The following SUMF1 variants were observed in gnomAD, a reference collection of about 807,000 sequenced individuals.
SUMF1 encodes the protein formylglycine-generating enzyme.
SUMF1 carries 48 observed loss-of-function variants against 47.6 expected under a neutral mutation model. The observed-to-expected ratio is 1.01, with a 90% CI of 0.80 to 1.28. SUMF1 has a LOEUF of 1.28. Among genes scored for constraint, SUMF1 ranks in the 50% most tolerant of loss-of-function variants. SUMF1 has a pLI of 0.00. For missense variants in SUMF1, 571 were observed against 485.4 expected, an observed-to-expected ratio of 1.18 and a Z score of -1.66; for synonymous variants, 230 against 192.1, an observed-to-expected ratio of 1.20 and a Z score of -1.63.
chr3:4,406,866 C>T (rs187545821), intron 7 of SUMF1, among the ~76,000 whole-genome samples: 2 of 152,220 alleles, frequency 1.3e-5, no homozygotes, highest in East Asian at 3.9e-4. Flanking sequence ...TATATAACCT[C>T]TACATATTTC....
intron 8 of SUMF1, among the ~76,000 whole-genome samples, chr3:4,175,779 TA>T (rs1282468082): frequency 6.6e-6 from 1 of 152,082 alleles, no homozygotes; most frequent in African/African-American, 2.4e-5. Context: ...ACAAGGAAGC[TA>T]AAAGCCTTGA....
intron 8 of SUMF1, among the ~76,000 whole-genome samples, chr3:4,333,049 T>A (rs1468810484): frequency 6.6e-6 from 1 of 152,124 alleles, no homozygotes; most frequent in Non-Finnish European, 1.5e-5. Flanking sequence ...CAGCTCCCCA[T>A]CCATCCTGCT....
Position 4,462,090 on chromosome 3 carries a change from C to T in SUMF1, c.270+4886G>A, listed in dbSNP as rs1043012644. Among the ~76,000 whole-genome samples the T allele has an allele frequency of 2.6e-5, 4 of 152,306 alleles. No individual in the cohort carries two copies. In the East Asian group the frequency reaches 7.7e-4, roughly 29 times the overall value. On this transcript the variant is annotated intron_variant, in intron 1 of 8. Transcript: ENST00000272902. ...AGTGGGCACTGCTATTTTGGTCCAT[C>T]CGGCACCCAATCCCTCTACTTCTTG...
At chr3:4,169,033 C>T (rs967667840) in intron 8 of SUMF1, among the ~76,000 whole-genome samples, 1 of 152,070 alleles carries the variant, frequency 6.6e-6, no homozygotes, top group African/African-American at 2.4e-5. Context: ...TTTTCTCTCT[C>T]GGGAAAAAGT....
intron 8 of SUMF1, among the ~76,000 whole-genome samples, chr3:4,289,523 G>A (rs1170961442): frequency 2.0e-5 from 3 of 152,100 alleles, no homozygotes; most frequent in African/African-American, 7.2e-5. Flanking sequence ...GAAGCTCTAT[G>A]AGTCAGAGCT....
intron 8 of SUMF1, among the ~76,000 whole-genome samples, chr3:4,108,471 A>G (rs564178210): frequency 6.6e-6 from 1 of 151,930 alleles, no homozygotes; most frequent in Non-Finnish European, 1.5e-5. Context: ...CAATTCCTGG[A>G]TATCCTTGTT....
At chr3:4,380,422 G>A (rs1700467123) in intron 7 of SUMF1, among the ~76,000 whole-genome samples, 1 of 152,102 alleles carries the variant, frequency 6.6e-6, no homozygotes, top group African/African-American at 2.4e-5. Context: ...GACCTATTTG[G>A]GCAAGGTGGA....
chr3:4,215,209 G>A (rs753024338), intron 8 of SUMF1, among the ~76,000 whole-genome samples: 10 of 152,174 alleles, frequency 6.6e-5, no homozygotes, highest in African/African-American at 2.2e-4. Flanking sequence ...CGATCAAGTC[G>A]GCTTCATCTC....
intron 3 of SUMF1, among the ~76,000 whole-genome samples, chr3:4,431,259 C>A (rs1702223507): frequency 6.6e-6 from 1 of 152,238 alleles, no homozygotes; most frequent in Non-Finnish European, 1.5e-5. Flanking sequence ...GAGAACCTGC[C>A]TTCCCATTTG....
chr3:4,146,157 G>A (rs540767936), intron 8 of SUMF1, among the ~76,000 whole-genome samples: 89 of 152,048 alleles, frequency 5.9e-4, no homozygotes, highest in Non-Finnish European at 1.0e-3. Context: ...GAAAAGAATC[G>A]CACGTGTGTT....
At chr3:4,455,997 C>T (rs1051076989) in intron 1 of SUMF1, among the ~76,000 whole-genome samples, 1 of 152,080 alleles carries the variant, frequency 6.6e-6, no homozygotes, top group African/African-American at 2.4e-5. Flanking sequence ...AAAGTGAATT[C>T]AACAGCACAT....
intron 8 of SUMF1, among the ~76,000 whole-genome samples, chr3:4,150,040 T>C (rs1426965249): frequency 6.6e-6 from 1 of 152,176 alleles, no homozygotes; most frequent in East Asian, 1.9e-4. Flanking sequence ...ATTCTGCTGC[T>C]AAACAAATAT....
intron 8 of SUMF1, among the ~76,000 whole-genome samples, chr3:4,301,711 C>T (rs1471020975): frequency 6.6e-6 from 1 of 152,140 alleles, no homozygotes; most frequent in Non-Finnish European, 1.5e-5. Flanking sequence ...AAATTATTTT[C>T]CCAGTTAACT....
At chr3:4,401,445 C>T (rs190610875) in intron 7 of SUMF1, among the ~76,000 whole-genome samples, 1 of 152,128 alleles carries the variant, frequency 6.6e-6, no homozygotes, top group African/African-American at 2.4e-5. Context: ...ATTTTAAAAA[C>T]ACCCTCTTAA....
Position 4,361,909 on chromosome 3 carries a change from ACT to A in SUMF1, c.*233_*234del. 1.9e-6 allele frequency: 1 copy of A among 520,290 alleles called. No homozygotes were observed. The highest frequency in any genetic ancestry group is 3.2e-5 in the Admixed American group (1 of 31,426). 32.2% of individuals were successfully genotyped at this position (520,290 alleles called of 1,614,324 possible). On this transcript the variant is annotated 3_prime_UTR_variant, in exon 9 of 9. Coordinates refer to ENST00000272902, the MANE Select transcript of SUMF1 (RefSeq NM_182760.4). ...CCTCCACTCCCCTTCCTCTTTAAAGACTCTCAAAAGTAAAATATGGTGATGAT... is the reference window on the plus strand; with the variant it reads ...CCTCCACTCCCCTTCCTCTTTAAAGACTCAAAAGTAAAATATGGTGATGAT...
chr3:4,283,469 T>G (rs1401459433), intron 8 of SUMF1, among the ~76,000 whole-genome samples: 2 of 150,268 alleles, frequency 1.3e-5, no homozygotes, highest in Non-Finnish European at 3.0e-5. Flanking sequence ...CTTTTCTTGG[T>G]TAAAGCTTTG....
rs79182633 is a variant in SUMF1, at chr3:4,417,802, C to T, written c.725+208G>A. The stretch of plus-strand genomic sequence containing the variant: ...GACTTGCTTTGGGGCTGGAGGGAGC[C>T]CACTTGGCCAGACACTTGGTTTAGG... On this transcript the variant is annotated intron_variant, in intron 5 of 8. Coordinates refer to ENST00000272902, the MANE Select transcript of SUMF1 (RefSeq NM_182760.4). 0.02 allele frequency among the ~76,000 whole-genome samples: 3,045 copies of T among 152,188 alleles called. 75 individuals are homozygous for T. Among genetic ancestry groups the T allele is most frequent in the African/African-American group, 0.055 (2,273 of 41,530 alleles).
intron 8 of SUMF1, among the ~76,000 whole-genome samples, chr3:4,108,032 T>C (rs1362744622): frequency 6.6e-6 from 1 of 152,038 alleles, no homozygotes; most frequent in Non-Finnish European, 1.5e-5. Context: ...TGCCCAACAA[T>C]AGGGGAATAA....
Position 4,450,732 on chromosome 3 carries a change from A to T in SUMF1, c.445-1392T>A, listed in dbSNP as rs149027879. Among the ~76,000 whole-genome samples, 970 of 152,240 alleles carry T rather than the reference A, an allele frequency of 6.4e-3. 4 individuals carry two copies. Among genetic ancestry groups the T allele is most frequent in the Middle Eastern group, 0.014 (4 of 294 alleles). On this transcript the variant is annotated intron_variant, in intron 2 of 8. Transcript: ENST00000272902. ...GAGTGTCATGAAAAACTTTCTTGAG[A>T]AAGTGACATTTAAGCTGAGATGACT... is the stretch of plus-strand genomic sequence containing the variant.
Sources: allele counts gnomAD v4.1 joint callset (sites outside exome capture counted in the v4.1 genomes callset), GRCh38; gene constraint gnomAD v4.1.1; transcripts MANE v1.5; gene names NCBI Gene and HGNC (gene_info 2026-07-23, HGNC 2026-07-21).